The following LRRC49 variants were observed in gnomAD, a reference collection of about 807,000 sequenced individuals.
LRRC49 encodes the protein leucine rich repeat containing 49.
LRRC49 carries 50 observed loss-of-function variants against 83.3 expected under a neutral mutation model. The ratio of observed to expected loss-of-function variants is 0.60; its 90% CI spans 0.48 to 0.76. LRRC49 has a LOEUF of 0.76. LRRC49 is among the 30% of genes least tolerant of loss of function. The pLI is 0.00. For synonymous variants in LRRC49, 286 were observed against 283.3 expected (o/e 1.01, Z -0.10); for missense variants, 704 against 809.1 (o/e 0.87, Z 1.58).
chr15:70,882,957 A>T (rs1528828), intron 2 of LRRC49: 1 of 1,596,112 alleles, frequency 6.3e-7, no homozygotes, highest in Non-Finnish European at 8.6e-7. Context: ...ACCTTATAGG[A>T]TTTTATCTTT....
intron 11 of LRRC49, among the ~76,000 whole-genome samples, chr15:70,988,076 T>C (rs1245806826): frequency 1.3e-5 from 2 of 151,722 alleles, no homozygotes; most frequent in Non-Finnish European, 2.9e-5. Context: ...AATTTTGGAA[T>C]AGGTGTGGTG....
exon 2 of LRRC49, chr15:70,873,181 A>T (rs2033086855): frequency 2.6e-6 from 4 of 1,535,734 alleles, no homozygotes; most frequent in South Asian, 2.4e-5. Context: ...CACCTCGCCC[A>T]GCCAACTTGA....
chr15:70,853,702 C>T (rs2032554556), intron 1 of LRRC49, among the ~76,000 whole-genome samples: 1 of 152,150 alleles, frequency 6.6e-6, no homozygotes, highest in East Asian at 1.9e-4. Flanking sequence ...AAGCTGCGGG[C>T]TGGGGCACCG....
chr15:70,863,041 T>C (rs576403205), intron 1 of LRRC49, among the ~76,000 whole-genome samples: 1 of 152,194 alleles, frequency 6.6e-6, no homozygotes, highest in South Asian at 2.1e-4. Flanking sequence ...GCCTCAGACT[T>C]GGTGCAACTA....
At chr15:70,873,283 C>T in intron 2 of LRRC49, 6 of 1,488,250 alleles carry the variant, frequency 4.0e-6, no homozygotes, top group Non-Finnish European at 5.4e-6. Context: ...GCTATCCCCT[C>T]ACTGAACTAA....
At chr15:70,859,559 C>A (rs1425347318) in intron 1 of LRRC49, 2 of 667,504 alleles carry the variant, frequency 3.0e-6, no homozygotes, top group African/African-American at 1.8e-5. Flanking sequence ...GAGCATGCAC[C>A]AGATCAAGTA....
At chr15:70,893,226 T>C (rs2033665855) in intron 1 of LRRC49, 1 of 571,222 alleles carries the variant, frequency 1.8e-6, no homozygotes, top group Non-Finnish European at 3.1e-6. Context: ...CAATTCCTTT[T>C]TCTTTTCTTT....
intron 6 of LRRC49, among the ~76,000 whole-genome samples, chr15:70,915,975 A>G (rs1172615507): frequency 6.6e-6 from 1 of 152,196 alleles, no homozygotes; most frequent in Non-Finnish European, 1.5e-5. Flanking sequence ...CATCTGAGAA[A>G]AGTTCTTTTA....
intron 8 of LRRC49, among the ~76,000 whole-genome samples, chr15:70,951,821 G>A (rs1222264029): frequency 2.0e-5 from 3 of 152,084 alleles, no homozygotes; most frequent in Non-Finnish European, 2.9e-5. Context: ...GTGAAAATGG[G>A]CATCCTTGTC....
chr15:70,975,124 G>A (rs2037160916), intron 9 of LRRC49, among the ~76,000 whole-genome samples: 1 of 152,086 alleles, frequency 6.6e-6, no homozygotes, highest in Non-Finnish European at 1.5e-5. Flanking sequence ...TTTTTCTACA[G>A]TGGTCAGATT....
At chr15:70,858,399 C>G (rs1404090697) in intron 1 of LRRC49, among the ~76,000 whole-genome samples, 1 of 152,122 alleles carries the variant, frequency 6.6e-6, no homozygotes, top group Admixed American at 6.5e-5. Context: ...GTCAGGAGTT[C>G]GAGACCAGCC....
intron 13 of LRRC49, among the ~76,000 whole-genome samples, chr15:71,011,416 G>A (rs1334728602): frequency 2.0e-5 from 3 of 152,116 alleles, no homozygotes; most frequent in African/African-American, 7.2e-5. Flanking sequence ...GGAAGGAATA[G>A]TGTAGTTATA....
At chr15:70,884,550 A>G (rs1206191093) in intron 2 of LRRC49, among the ~76,000 whole-genome samples, 5 of 152,130 alleles carry the variant, frequency 3.3e-5, no homozygotes, top group Non-Finnish European at 7.4e-5. Flanking sequence ...ACAGAAAAAA[A>G]AAAAAGAAAG....
intron 5 of LRRC49, among the ~76,000 whole-genome samples, chr15:70,906,425 C>T (rs2034317654): frequency 6.6e-6 from 1 of 152,158 alleles, no homozygotes; most frequent in African/African-American, 2.4e-5. Flanking sequence ...GTTTCTGATC[C>T]TCAGAGTTAC....
chr15:70,995,235 A>G (rs1016866378), intron 11 of LRRC49, among the ~76,000 whole-genome samples: 4 of 152,220 alleles, frequency 2.6e-5, no homozygotes, highest in Non-Finnish European at 2.9e-5. Flanking sequence ...AACAGATTGG[A>G]AGAAAATTTT....
chr15:70,891,029 A>G (rs1361150907), upstream of LRRC49, among the ~76,000 whole-genome samples: 1 of 152,232 alleles, frequency 6.6e-6, no homozygotes, highest in Non-Finnish European at 1.5e-5. Context: ...TACTGCAGAA[A>G]GAGTGTTGGT....
intron 1 of LRRC49, chr15:70,858,770 T>A: frequency 8.9e-7 from 1 of 1,128,440 alleles, no homozygotes; most frequent in Non-Finnish European, 1.3e-6. Flanking sequence ...CCCCCGGGCC[T>A]TCAGCAGCTG....
At chr15:70,898,038 G>A (rs781121223) in intron 3 of LRRC49, among the ~76,000 whole-genome samples, 102 of 152,232 alleles carry the variant, frequency 6.7e-4, no homozygotes, top group African/African-American at 1.9e-3. Flanking sequence ...AGACATGGCC[G>A]AGTGGACACA....
intron 8 of LRRC49, among the ~76,000 whole-genome samples, chr15:70,939,954 A>G (rs1479988729): frequency 6.6e-6 from 1 of 151,324 alleles, no homozygotes; most frequent in African/African-American, 2.4e-5. Flanking sequence ...TCACTGAAGC[A>G]CACGCTTTGG....
Sources: gnomAD v4.1 joint callset for allele counts (sites outside exome capture counted in the v4.1 genomes callset) on GRCh38, gnomAD v4.1.1 for gene constraint, MANE v1.5 for transcripts, NCBI Gene and HGNC (gene_info 2026-07-23, HGNC 2026-07-21) for gene names.